Variants in SYCP2 observed in about 807,000 individuals in gnomAD.
The protein encoded by SYCP2 is synaptonemal complex lateral element protein.
SYCP2 carries 55 observed loss-of-function variants against 211.3 expected under a neutral mutation model. That is an observed-to-expected ratio of 0.26 (90% CI 0.21 to 0.33). The LOEUF is 0.33. SYCP2 is among the 10% of genes least tolerant of loss of function. The probability of loss-of-function intolerance (pLI) is 1.00; values close to 1 mark genes in which losing one functional copy is unlikely to be tolerated. For missense variants in SYCP2, 1,731 were observed against 1,752.0 expected, an observed-to-expected ratio of 0.99 and a Z score of 0.21; for synonymous variants, 570 against 555.2, an observed-to-expected ratio of 1.03 and a Z score of -0.37.
At chr20:59,874,094 T>A in intron 34 of SYCP2, 33 bp from the exon 35 acceptor site, 1 of 1,227,628 alleles carries the variant, frequency 8.1e-7, no homozygotes, top group East Asian at 2.4e-5. Flanking sequence ...AGAAAATAGA[T>A]GGCAAGCGTT....
Position 59,907,414 on chromosome 20 carries a change from C to G in SYCP2, c.983G>C (p.Trp328Ser). The change falls in exon 15 of 45, where the codon TGG becomes TCG. Residue 328 changes from tryptophan (W) to serine (S), a missense_variant. Trp to Ser is a radical substitution (Grantham distance 177). This residue lies in a region of SYCP2 where 335 missense variants were observed against 378.8 expected (regional missense o/e 0.88). Coordinates refer to ENST00000357552, the MANE Select transcript of SYCP2 (RefSeq NM_014258.4). ...TTCCTCTGGCACAGTAACTGCTTCC[C>G]ATTGATGATCCTTAAATTTAAAAGC... ...YIAGDNDDHQWEAVTVPEEKV... is the reference protein window; with the variant it reads ...YIAGDNDDHQSEAVTVPEEKV... 2 of 1,610,826 alleles carry G rather than the reference C, an allele frequency of 1.2e-6. No individual in the cohort carries two copies. Among genetic ancestry groups the G allele is most frequent in the Non-Finnish European group, 1.7e-6 (2 of 1,177,984 alleles).
chr20:59,900,108 T>C (rs1478071974), intron 18 of SYCP2, 30 bp downstream of exon 18: 11 of 1,608,224 alleles, frequency 6.8e-6, no homozygotes, highest in South Asian at 5.5e-5. Context: ...ATGGTAGTTT[T>C]ATAAGCCAGT....
chr20:59,892,846 G>A (rs187294125), intron 22 of SYCP2, 145 bp from the exon 23 acceptor site: 1 of 684,740 alleles, frequency 1.5e-6, no homozygotes. Flanking sequence ...CAGTTCTACT[G>A]TATATTTATA....
At chr20:59,915,610 A>C in intron 8 of SYCP2, 60 bp from the exon 9 acceptor site, 1 of 1,068,592 alleles carries the variant, frequency 9.4e-7, no homozygotes, top group Non-Finnish European at 1.4e-6. Context: ...TATTAAGAGA[A>C]ATATTCTAGG....
In SYCP2 at chr20:59,920,408, A is replaced by G. The variant is rs149317101; in HGVS notation, c.248T>C (p.Leu83Ser). The G allele has an allele frequency of 3.1e-5, 50 of 1,610,310 alleles. No individual in the cohort carries two copies. The African/African-American group carries it at 4.9e-4, about 16-fold the overall frequency. ...VGRCGKNISV[L>S]GQAGLLTMIK... ...CATCGTTAGAAGTCCAGCTTGCCCC[A>G]ATACACTGATATTTTTGCCACATCT... is the stretch of plus-strand genomic sequence containing the variant. Residue 83 changes from leucine (L) to serine (S), a missense_variant, in exon 5 of 45, where the codon TTG (leucine) becomes TCG (serine). This residue lies in a region of SYCP2 where 335 missense variants were observed against 378.8 expected (regional missense o/e 0.88). Transcript: ENST00000357552.
chr20:59,910,386 T>TTC (rs2060296425), intron 14 of SYCP2, among the ~76,000 whole-genome samples: 1 of 134,554 alleles, frequency 7.4e-6, no homozygotes. Flanking sequence ...TTTTTTTTTT[T>TTC]TTTTTTTTTT....
At position 59,877,396 on chromosome 20, in the gene SYCP2, T is replaced by A; in HGVS notation, c.3139A>T (p.Ile1047Leu). The change falls in exon 33 of 45, where the codon ATA (isoleucine) becomes TTA (leucine). Residue 1047 changes from isoleucine to leucine, a missense_variant. Ile to Leu is a conservative substitution (Grantham distance 5). Transcript: ENST00000357552. ...CTGTATCTATTTACCTTTACTGGTA[T>A]GTTCTCTTTAAATGAATGTGAAAAT... ...QEFSHSFKEN[I>L]PVKEENIHSR... The A allele has an allele frequency of 1.9e-6, 3 of 1,580,558 alleles. No individual in the cohort carries two copies. The highest frequency in any genetic ancestry group is 2.6e-6 in the Non-Finnish European group (3 of 1,170,092).
chr20:59,901,905 C>A, intron 15 of SYCP2, 95 bp from the exon 16 acceptor site: 1 of 1,004,018 alleles, frequency 1.0e-6, no homozygotes, highest in South Asian at 2.3e-5. Flanking sequence ...TTAATTGAAT[C>A]AAAATTCAAA....
rs1478881155 is a variant in SYCP2, at chr20:59,866,359, G to C, written c.4254C>G (p.Ile1418Met). 1 of 1,595,208 alleles carries C rather than the reference G, an allele frequency of 6.3e-7. No individual in the cohort carries two copies. Among genetic ancestry groups the C allele is most frequent in the South Asian group, 1.1e-5 (1 of 87,088 alleles). ...IKKLDKFQFIIIEELENFEKD... is the reference protein window; with the variant it reads ...IKKLDKFQFIMIEELENFEKD... The stretch of plus-strand genomic sequence containing the variant: ...TTTCAAAATTCTCCAGCTCCTCTAT[G>C]ATAATGAATTGGAATTTATCAAGTT... The change falls in exon 41 of 45, where the codon ATC becomes ATG. Residue 1418 changes from isoleucine to methionine, a missense_variant. Transcript: ENST00000357552.
intron 13 of SYCP2, 100 bp downstream of exon 13, chr20:59,912,273 A>T: frequency 1.8e-6 from 1 of 570,666 alleles, no homozygotes. Context: ...TGATCTAATT[A>T]CAACTATTTT....
intron 15 of SYCP2, among the ~76,000 whole-genome samples, chr20:59,905,927 G>C (rs1166961099): frequency 1.3e-5 from 2 of 152,104 alleles, no homozygotes; most frequent in African/African-American, 4.8e-5. Flanking sequence ...GGATCAGAAA[G>C]AAAGTAGTAA....
intron 15 of SYCP2, among the ~76,000 whole-genome samples, chr20:59,905,842 TC>T (rs528862184): frequency 5.1e-4 from 78 of 152,270 alleles, no homozygotes; most frequent in African/African-American, 1.8e-3. Flanking sequence ...TTTTATCGCT[TC>T]TATTCAACAT....
chr20:59,912,346 AAAT>A (rs777094695), intron 13 of SYCP2, 24 bp downstream of exon 13: 8 of 890,284 alleles, frequency 9.0e-6, no homozygotes, highest in Middle Eastern at 2.3e-4. Context: ...GCAATAACTA[AAAT>A]AATGTGTTAA....
At chr20:59,869,736 C>A in intron 36 of SYCP2, 62 bp downstream of exon 36, 1 of 916,152 alleles carries the variant, frequency 1.1e-6, no homozygotes, top group East Asian at 2.5e-5. Context: ...GGTCAGTAAT[C>A]TGAGTCTTAT....
At chr20:59,919,262 G>T in intron 6 of SYCP2, 80 bp from the exon 7 acceptor site, 4 of 773,946 alleles carry the variant, frequency 5.2e-6, no homozygotes, top group South Asian at 1.7e-5. Context: ...CATTACAAAT[G>T]GTATTGAAAT....
chr20:59,907,281 G>A, intron 15 of SYCP2, 83 bp downstream of exon 15: 2 of 888,520 alleles, frequency 2.3e-6, no homozygotes, highest in Non-Finnish European at 1.8e-6. Context: ...TCATTAGTCT[G>A]TTTTGTTAAC....
intron 2 of SYCP2, among the ~76,000 whole-genome samples, chr20:59,931,016 G>A (rs1389598747): frequency 1.3e-5 from 2 of 152,084 alleles, no homozygotes; most frequent in African/African-American, 2.4e-5. Context: ...AGTAACTTAT[G>A]AATTATGTAA....
chr20:59,924,832 C>T (rs1374855060), intron 2 of SYCP2, among the ~76,000 whole-genome samples: 2 of 151,998 alleles, frequency 1.3e-5, no homozygotes, highest in South Asian at 2.1e-4. Context: ...AAAAGAGAAT[C>T]CAGAAACAGA....
intron 2 of SYCP2, among the ~76,000 whole-genome samples, chr20:59,926,092 T>C (rs1456213002): frequency 1.3e-5 from 2 of 152,062 alleles, no homozygotes; most frequent in Admixed American, 1.3e-4. Flanking sequence ...AAAACAAATA[T>C]GGATTGAAGG....
Sources: allele counts gnomAD v4.1 joint callset (sites outside exome capture counted in the v4.1 genomes callset), GRCh38; gene constraint gnomAD v4.1.1; regional missense constraint gnomAD v4.1.1; transcripts MANE v1.5; gene names NCBI Gene and HGNC (gene_info 2026-07-23, HGNC 2026-07-21).